The following SLC37A3 variants were observed in gnomAD, a reference collection of about 807,000 sequenced individuals.
SLC37A3 encodes the protein sugar phosphate exchanger 3.
Under a neutral mutation model 67.1 loss-of-function variants are expected in SLC37A3, and 51 were observed. That is an observed-to-expected ratio of 0.76 (90% CI 0.61 to 0.96). The LOEUF (loss-of-function observed/expected upper bound fraction) is 0.96. SLC37A3 is among the 40% of genes least tolerant of loss of function. The pLI, the probability that SLC37A3 is intolerant of heterozygous loss-of-function variation, is 0.00. For synonymous variants in SLC37A3, 214 were observed against 231.4 expected, an observed-to-expected ratio of 0.92 and a Z score of 0.68; for missense variants, 508 against 603.0, an observed-to-expected ratio of 0.84 and a Z score of 1.65.
chr7:140,384,288 T>C (rs80277786), intron 1 of SLC37A3, among the ~76,000 whole-genome samples: 15,948 of 152,246 alleles, frequency 0.1, 905 homozygotes, highest in South Asian at 0.2. Flanking sequence ...ATAGGGAATA[T>C]AGTAGTTCTC....
At chr7:140,356,054 C>T (rs1312849366) in intron 6 of SLC37A3, among the ~76,000 whole-genome samples, 1 of 151,600 alleles carries the variant, frequency 6.6e-6, no homozygotes. Flanking sequence ...ATCAGTTGGG[C>T]GTGGTGGCAG....
In SLC37A3 at chr7:140,335,475, TG is replaced by T; in HGVS notation, c.1421del (p.Pro474HisfsTer2). On this transcript the variant is annotated frameshift_variant, in exon 15 of 15. Transcript: ENST00000326232. LOFTEE classifies it high-confidence loss of function. ...GAGAGAATATTTCCCTCACTATTAA[TG>T]GCGAGATAAACACAATTGTACAACT... The part of the protein sequence containing the change: ...MTSCTIVFIS[P>X]LIVREIFSLV... 6.2e-7 allele frequency: 1 copy of T among 1,614,094 alleles called. No individual in the cohort carries two copies. Among genetic ancestry groups the T allele is most frequent in the Non-Finnish European group, 8.5e-7 (1 of 1,180,030 alleles).
intron 10 of SLC37A3, among the ~76,000 whole-genome samples, chr7:140,347,330 C>A (rs1796605350): frequency 3.3e-5 from 5 of 150,592 alleles, no homozygotes; most frequent in Admixed American, 3.3e-4. Flanking sequence ...GCTAATAGGA[C>A]ACAATCTTTA....
intron 7 of SLC37A3, among the ~76,000 whole-genome samples, chr7:140,353,719 TG>T (rs1310967311): frequency 1.3e-5 from 2 of 151,828 alleles, no homozygotes; most frequent in Non-Finnish European, 2.9e-5. Context: ...TGTTTTGTTT[TG>T]TTTTTTTTTT....
Position 140,346,076 on chromosome 7 carries a change from A to G in SLC37A3, c.1025-106T>C, listed in dbSNP as rs1796546845. 3 of 782,134 alleles carry G rather than the reference A, an allele frequency of 3.8e-6. No individual in the cohort carries two copies. In the East Asian group the frequency reaches 7.8e-5, roughly 20 times the overall value. 48.4% of individuals were successfully genotyped at this position (782,134 alleles called of 1,614,324 possible). ...GTCTCACTAGCAGCAGCCTGACACT[A>G]GTCTATCAAAAAATATGGCTGGGCC... On this transcript the variant is annotated intron_variant, in intron 10 of 14. Coordinates refer to ENST00000326232, the MANE Select transcript of SLC37A3 (RefSeq NM_207113.3).
chr7:140,370,991 C>T (rs1186377357), intron 3 of SLC37A3, among the ~76,000 whole-genome samples: 1 of 152,098 alleles, frequency 6.6e-6, no homozygotes, highest in African/African-American at 2.4e-5. Flanking sequence ...GTTGATTGGC[C>T]TGGGAATATC....
At chr7:140,337,986 G>A (rs1044935429) in intron 13 of SLC37A3, among the ~76,000 whole-genome samples, 1 of 151,570 alleles carries the variant, frequency 6.6e-6, no homozygotes, top group African/African-American at 2.4e-5. Context: ...TGCCTCCCAG[G>A]TTCACATCAT....
chr7:140,388,727 C>T (rs1343613792), intron 1 of SLC37A3, among the ~76,000 whole-genome samples: 1 of 151,950 alleles, frequency 6.6e-6, no homozygotes, highest in African/African-American at 2.4e-5. Flanking sequence ...AGGAGAATCG[C>T]TTGAACCTGA....
rs1379405028 is a variant in SLC37A3 at position 140,364,471 on chromosome 7, G to A, written c.312C>T (p.Ile104=). The A allele has an allele frequency of 1.2e-5, 19 of 1,613,880 alleles. No homozygotes were observed. The highest frequency in any genetic ancestry group is 1.1e-4 in the East Asian group (5 of 44,868). Residue 104 remains isoleucine, a synonymous_variant, in exon 5 of 15, where the codon ATC becomes ATT. Transcript: ENST00000326232. ...SYAVGLFISG[I]VGDRLNLRWV... is the part of the protein sequence containing the mutation. ...ATCGCAAATTCAACCGATCCCCAAC[G>A]ATGCCACTGATGAATAGGCCCTAAA...
At chr7:140,369,181 G>A (rs1339373020) in intron 4 of SLC37A3, among the ~76,000 whole-genome samples, 1 of 152,140 alleles carries the variant, frequency 6.6e-6, no homozygotes, top group African/African-American at 2.4e-5. Context: ...GCTGCCTCCT[G>A]AGGTCTCCCG....
At chr7:140,339,263 TG>T in intron 13 of SLC37A3, among the ~76,000 whole-genome samples, 2 of 126,214 alleles carry the variant, frequency 1.6e-5, no homozygotes, top group African/African-American at 6.1e-5. Context: ...GTCCCAGTTT[TG>T]TTTTTTTTTT....
intron 8 of SLC37A3, chr7:140,351,817 T>G (rs754226420): frequency 4.0e-5 from 24 of 605,340 alleles, no homozygotes; most frequent in Non-Finnish European, 6.2e-5. Flanking sequence ...ATAAAAATAA[T>G]TTGCAAATGC....
chr7:140,349,380 G>C (rs1270614407), intron 9 of SLC37A3, among the ~76,000 whole-genome samples: 1 of 152,186 alleles, frequency 6.6e-6, no homozygotes, highest in African/African-American at 2.4e-5. Flanking sequence ...GAGTCTCTCT[G>C]GCGAGTCAAA....
rs558987188 is a variant in SLC37A3 at position 140,344,820 on chromosome 7, A to G, written c.1174+396T>C. On this transcript the variant is annotated intron_variant, in intron 12 of 14. Coordinates refer to ENST00000326232, the MANE Select transcript of SLC37A3 (RefSeq NM_207113.3). The stretch of plus-strand genomic sequence containing the variant: ...ACATAGTCCCTAAATGCACCCAACT[A>G]TTTTATCTAGTGCTCAAGTGACAAA... Among the ~76,000 whole-genome samples the G allele has an allele frequency of 5.9e-5, 9 of 152,320 alleles. 2 individuals are homozygous for G. Among genetic ancestry groups the G allele is most frequent in the African/African-American group, 1.7e-4 (7 of 41,576 alleles).
chr7:140,350,234 G>A (rs545202591), intron 9 of SLC37A3, among the ~76,000 whole-genome samples: 3 of 152,268 alleles, frequency 2.0e-5, no homozygotes, highest in South Asian at 2.1e-4. Flanking sequence ...TGAGACACAC[G>A]GACGGGTTGC....
intron 5 of SLC37A3, among the ~76,000 whole-genome samples, chr7:140,361,073 A>T (rs1797248086): frequency 6.6e-6 from 1 of 152,090 alleles, no homozygotes; most frequent in African/African-American, 2.4e-5. Flanking sequence ...TGACATTCTC[A>T]AAGAGGTGTC....
At chr7:140,392,866 C>T (rs1235219979) in intron 1 of SLC37A3, among the ~76,000 whole-genome samples, 18 of 152,004 alleles carry the variant, frequency 1.2e-4, no homozygotes, top group Admixed American at 1.1e-3. Context: ...CTGAGGTGGG[C>T]GGATCACCTG....
intron 7 of SLC37A3, 31 bp from the exon 8 acceptor site, chr7:140,352,177 CAT>C (rs767633631): frequency 4.2e-6 from 6 of 1,414,202 alleles, no homozygotes; most frequent in Non-Finnish European, 5.7e-6. Context: ...GTGGTCCTTA[CAT>C]ATCTGGGGAC....
At chr7:140,351,598 T>A in intron 8 of SLC37A3, 147 bp from the exon 9 acceptor site, 1 of 686,706 alleles carries the variant, frequency 1.5e-6, no homozygotes. Flanking sequence ...TCAACTAAGG[T>A]CAATTAAAGT....
Sources: allele counts gnomAD v4.1 joint callset (sites outside exome capture counted in the v4.1 genomes callset), GRCh38; gene constraint gnomAD v4.1.1; transcripts MANE v1.5; gene names NCBI Gene and HGNC (gene_info 2026-07-23, HGNC 2026-07-21).